The following ADAMTSL1 variants were observed in gnomAD, a reference collection of about 807,000 sequenced individuals.
ADAMTSL1 encodes ADAMTS like 1, also known as ADAMTS-like protein 1.
In ADAMTSL1, 126 loss-of-function variants were observed where a neutral mutation model predicts 201.8. The observed-to-expected ratio is 0.62, with a 90% CI of 0.54 to 0.72. ADAMTSL1 has a LOEUF of 0.72. Among genes scored for constraint, ADAMTSL1 ranks in the 30% least tolerant of loss-of-function variants. The pLI is 0.00. For synonymous variants in ADAMTSL1, 1,121 were observed against 903.4 expected (o/e 1.24, Z -4.32); for missense variants, 2,679 against 2,277.8 (o/e 1.18, Z -3.59).
At chr9:18,771,483 C>G (rs1820684795) in intron 17 of ADAMTSL1, among the ~76,000 whole-genome samples, 1 of 152,136 alleles carries the variant, frequency 6.6e-6, no homozygotes, top group South Asian at 2.1e-4. Flanking sequence ...GCTTCAAGTC[C>G]TTTGTTTTCA....
At chr9:18,648,570 T>C (rs1827977151) in intron 7 of ADAMTSL1, among the ~76,000 whole-genome samples, 1 of 151,560 alleles carries the variant, frequency 6.6e-6, no homozygotes, top group Non-Finnish European at 1.5e-5. Flanking sequence ...GGAGCTCTTT[T>C]AGGGCAGGCC....
chr9:18,883,839 A>C (rs1828691837), intron 23 of ADAMTSL1, among the ~76,000 whole-genome samples: 2 of 152,224 alleles, frequency 1.3e-5, no homozygotes, highest in Non-Finnish European at 2.9e-5. Flanking sequence ...TGAGTGGTTT[A>C]AATCTTTTGG....
At chr9:18,315,048 G>A (rs1041769640) in intron 2 of ADAMTSL1, among the ~76,000 whole-genome samples, 4 of 151,638 alleles carry the variant, frequency 2.6e-5, no homozygotes, top group South Asian at 2.1e-4. Context: ...CGCCCGCCTC[G>A]GCCTCCCAAA....
rs1194806366 is a variant in ADAMTSL1 at position 18,681,700 on chromosome 9, G to GGA, written c.1342-111_1342-110insAG. 317 of 672,822 alleles carry GGA rather than the reference G, an allele frequency of 4.7e-4. 13 individuals are homozygous for GGA. The highest frequency in any genetic ancestry group is 5.5e-4 in the Non-Finnish European group (257 of 469,128). 41.7% of individuals were successfully genotyped at this position (672,822 alleles called of 1,614,324 possible). A position where few individuals can be genotyped will look rare whatever the true frequency, so the allele number is the denominator to read the frequency against. On this transcript the variant is annotated intron_variant, in intron 11 of 28. Transcript: ENST00000380548. The stretch of plus-strand genomic sequence containing the variant: ...AAATTTACCAGGAGTCCTCGTGTGG[G>GGA]GGGGGGGGGCGGGGAAAAAGAAAAC...
At chr9:18,838,874 CT>C (rs200362260) in intron 23 of ADAMTSL1, among the ~76,000 whole-genome samples, 14,317 of 141,652 alleles carry the variant, frequency 0.1, 982 homozygotes, top group East Asian at 0.3. Flanking sequence ...GATCCTGTCT[CT>C]TTTTTTTAAA....
rs537467889 is a variant in ADAMTSL1, at chr9:18,032,979, C to T, written c.87+126057C>T. Among the ~76,000 whole-genome samples the T allele has an allele frequency of 5.3e-5, 8 of 152,232 alleles. No individual in the cohort carries two copies. The South Asian group carries it at 8.3e-4, about 16-fold the overall frequency. On this transcript the variant is annotated intron_variant, in intron 1 of 29. Coordinates refer to the ADAMTSL1 transcript ENST00000680146. The stretch of plus-strand genomic sequence containing the variant: ...GCTGTTTTCTGTCAAAAGATCTGTT[C>T]GAAATGTAATCGTTTACTTGATATT...
intron 2 of ADAMTSL1, among the ~76,000 whole-genome samples, chr9:18,458,151 T>C (rs1462328219): frequency 6.6e-6 from 1 of 152,174 alleles, no homozygotes; most frequent in African/African-American, 2.4e-5. Context: ...GAAGTAATTA[T>C]AGAGTTTGAA....
At chr9:18,608,240 G>C (rs533388465) in intron 4 of ADAMTSL1, among the ~76,000 whole-genome samples, 30 of 152,224 alleles carry the variant, frequency 2.0e-4, no homozygotes, top group African/African-American at 6.7e-4. Flanking sequence ...ACTAGTTTGG[G>C]ACAACTGACT....
Position 18,547,980 on chromosome 9 carries a change from A to T in ADAMTSL1, c.237+14688A>T, listed in dbSNP as rs73644238. 9.9e-3 allele frequency among the ~76,000 whole-genome samples: 1,507 copies of T among 152,074 alleles called. 25 individuals carry two copies. Among genetic ancestry groups the T allele is most frequent in the African/African-American group, 0.031 (1,293 of 41,504 alleles). On this transcript the variant is annotated intron_variant, in intron 3 of 28. Transcript: ENST00000380548. ...TAAAAATTCCAAAACATAGGAAAAA[A>T]ATATATATATAATACCAAGAAAGAC...
chr9:18,189,117 A>C (rs1828862397), intron 2 of ADAMTSL1, among the ~76,000 whole-genome samples: 5 of 152,104 alleles, frequency 3.3e-5, no homozygotes. Flanking sequence ...CCCACCAGCT[A>C]ATTGGAGACA....
intron 2 of ADAMTSL1, among the ~76,000 whole-genome samples, chr9:18,318,343 G>C (rs1464850565): frequency 6.6e-6 from 1 of 152,108 alleles, no homozygotes; most frequent in Non-Finnish European, 1.5e-5. Context: ...TCAAACTGTG[G>C]TCTGTGTCTG....
intron 16 of ADAMTSL1, among the ~76,000 whole-genome samples, chr9:18,753,983 A>G (rs750255226): frequency 9.9e-5 from 15 of 152,150 alleles, no homozygotes; most frequent in Non-Finnish European, 1.6e-4. Flanking sequence ...AAGTATTTTT[A>G]TTTTCCTGGT....
intron 1 of ADAMTSL1, among the ~76,000 whole-genome samples, chr9:18,044,275 G>T (rs996864492): frequency 7.9e-5 from 12 of 151,878 alleles, no homozygotes; most frequent in African/African-American, 2.9e-4. Context: ...CATAGGTAGG[G>T]CTCATGTTGA....
chr9:18,649,234 T>G (rs931672586), intron 7 of ADAMTSL1, among the ~76,000 whole-genome samples: 7 of 152,226 alleles, frequency 4.6e-5, no homozygotes, highest in African/African-American at 1.7e-4. Flanking sequence ...GGCTTTCAGC[T>G]CCATCAGCTC....
intron 2 of ADAMTSL1, among the ~76,000 whole-genome samples, chr9:18,519,490 C>T (rs1818555311): frequency 6.6e-6 from 1 of 152,202 alleles, no homozygotes; most frequent in African/African-American, 2.4e-5. Flanking sequence ...CAATCTCTGC[C>T]TTTTCAAATT....
intron 1 of ADAMTSL1, among the ~76,000 whole-genome samples, chr9:18,101,083 G>A (rs7031350): frequency 0.2 from 29,955 of 152,096 alleles, 5,084 homozygotes; most frequent in African/African-American, 0.45. Context: ...TCTGTCATCT[G>A]TGTTGATACA....
intron 3 of ADAMTSL1, among the ~76,000 whole-genome samples, chr9:18,546,778 C>G (rs1389056315): frequency 2.0e-5 from 3 of 152,094 alleles, no homozygotes; most frequent in African/African-American, 7.2e-5. Flanking sequence ...GACTTCGTGA[C>G]TGGGCAATGA....
intron 23 of ADAMTSL1, among the ~76,000 whole-genome samples, chr9:18,885,166 A>T (rs2131526871): frequency 6.6e-6 from 1 of 152,302 alleles, no homozygotes; most frequent in Non-Finnish European, 1.5e-5. Context: ...AATGAACAGA[A>T]ATTTAGTGGC....
At chr9:18,212,092 GA>G (rs779800829) in intron 2 of ADAMTSL1, among the ~76,000 whole-genome samples, 2 of 152,112 alleles carry the variant, frequency 1.3e-5, no homozygotes, top group Non-Finnish European at 2.9e-5. Context: ...TTAGGCACCA[GA>G]AAAAATTCTG....
Sources: gnomAD v4.1 joint callset for allele counts (sites outside exome capture counted in the v4.1 genomes callset) on GRCh38, gnomAD v4.1.1 for gene constraint, MANE v1.5 for transcripts, NCBI Gene and HGNC (gene_info 2026-07-23, HGNC 2026-07-21) for gene names.